The following NRXN1 variants were observed in gnomAD, a reference collection of about 807,000 sequenced individuals.
The protein encoded by NRXN1 is neurexin 1, also known as neurexin-1.
In NRXN1, 39 loss-of-function variants were observed where a neutral mutation model predicts 150.9. The ratio of observed to expected loss-of-function variants is 0.26; its 90% confidence interval spans 0.20 to 0.34. The LOEUF is 0.34. Among genes scored for constraint, NRXN1 ranks in the 10% least tolerant of loss-of-function variants. The pLI, the probability that NRXN1 is intolerant of heterozygous loss-of-function variation, is 1.00. For synonymous variants in NRXN1, 924 were observed against 757.0 expected (o/e 1.22, Z -3.62); for missense variants, 1,815 against 1,949.9 (o/e 0.93, Z 1.30).
intron 2 of NRXN1, among the ~76,000 whole-genome samples, chr2:50,999,256 CTT>C (rs1245832597): frequency 3.3e-5 from 5 of 152,056 alleles, no homozygotes; most frequent in African/African-American, 1.2e-4. Context: ...GTGACTCTCA[CTT>C]ATCCATTTAT....
At chr2:50,011,310 A>T (rs1017781313) in intron 21 of NRXN1, among the ~76,000 whole-genome samples, 8 of 152,162 alleles carry the variant, frequency 5.3e-5, no homozygotes, top group Admixed American at 5.2e-4. Flanking sequence ...ACTTTGGAAG[A>T]TTTGGAGCTG....
At chr2:50,154,590 T>A (rs541744058) in intron 18 of NRXN1, among the ~76,000 whole-genome samples, 1 of 151,724 alleles carries the variant, frequency 6.6e-6, no homozygotes, top group Non-Finnish European at 1.5e-5. Context: ...AGAATATAAT[T>A]AGCCACAGAA....
chr2:50,195,032 G>A (rs959415888), intron 18 of NRXN1, among the ~76,000 whole-genome samples: 2 of 152,084 alleles, frequency 1.3e-5, no homozygotes, highest in Non-Finnish European at 2.9e-5. Context: ...TACACAGATC[G>A]ATTTTCTGTG....
At chr2:50,815,444 G>C (rs1453006660) in intron 5 of NRXN1, among the ~76,000 whole-genome samples, 2 of 152,104 alleles carry the variant, frequency 1.3e-5, no homozygotes, top group South Asian at 2.1e-4. Context: ...GTAACAATAT[G>C]TGAGAATTAT....
chr2:50,792,280 T>C (rs76963028), intron 5 of NRXN1, among the ~76,000 whole-genome samples: 7,659 of 152,158 alleles, frequency 0.05, 271 homozygotes, highest in Non-Finnish European at 0.076. Flanking sequence ...AATTGAATAA[T>C]GGAAAGAAAA....
intron 5 of NRXN1, chr2:50,829,704 A>C (rs1671120622): frequency 1.2e-6 from 2 of 1,602,458 alleles, no homozygotes. Context: ...GGCCGCCCGC[A>C]CACCCAGAGC....
chr2:50,018,236 G>A (rs192113091), intron 21 of NRXN1, among the ~76,000 whole-genome samples: 6 of 152,194 alleles, frequency 3.9e-5, no homozygotes, highest in African/African-American at 7.2e-5. Flanking sequence ...AAGGCTGGAC[G>A]TTTTTCAGAC....
At chr2:50,504,022 C>T (rs533024553) in intron 13 of NRXN1, among the ~76,000 whole-genome samples, 11 of 150,468 alleles carry the variant, frequency 7.3e-5, no homozygotes, top group African/African-American at 1.7e-4. Context: ...AAACTGGTGA[C>T]TTTATATTAA....
intron 2 of NRXN1, among the ~76,000 whole-genome samples, chr2:51,021,008 G>A (rs1001973642): frequency 3.3e-5 from 5 of 151,776 alleles, no homozygotes; most frequent in Admixed American, 1.3e-4. Flanking sequence ...TAAGATTTAC[G>A]TATTCAGCAA....
At chr2:49,980,668 T>A (rs1679848137) in intron 21 of NRXN1, among the ~76,000 whole-genome samples, 1 of 152,152 alleles carries the variant, frequency 6.6e-6, no homozygotes, top group Non-Finnish European at 1.5e-5. Flanking sequence ...GCATTTAGAA[T>A]AGGATGACCC....
intron 5 of NRXN1, among the ~76,000 whole-genome samples, chr2:50,921,205 A>G (rs1256834278): frequency 6.6e-6 from 1 of 151,820 alleles, no homozygotes; most frequent in African/African-American, 2.4e-5. Flanking sequence ...ATGGTTTTAA[A>G]TGGCAAATTA....
At chr2:50,652,818 T>C (rs2104571053) in intron 5 of NRXN1, among the ~76,000 whole-genome samples, 1 of 152,174 alleles carries the variant, frequency 6.6e-6, no homozygotes, top group Non-Finnish European at 1.5e-5. Flanking sequence ...TGTATGAAGG[T>C]TCCATTTATC....
intron 21 of NRXN1, among the ~76,000 whole-genome samples, chr2:50,005,725 A>C (rs1382825576): frequency 6.6e-6 from 1 of 152,122 alleles, no homozygotes; most frequent in Non-Finnish European, 1.5e-5. Context: ...TCTGCTCAAA[A>C]TTATTCACTT....
chr2:50,906,020 T>C (rs143877176), intron 5 of NRXN1, among the ~76,000 whole-genome samples: 44 of 152,258 alleles, frequency 2.9e-4, no homozygotes, highest in African/African-American at 9.1e-4. Context: ...ACCTGGCTAA[T>C]AGTACAGAGT....
At chr2:51,026,472 A>G in intron 2 of NRXN1, 2 of 1,571,010 alleles carry the variant, frequency 1.3e-6, no homozygotes, top group Non-Finnish European at 1.7e-6. Flanking sequence ...TTTTATTTCT[A>G]AAGAGGAGAA....
rs977028415 is a variant in NRXN1, at chr2:50,067,788, A to T, written c.3719-12744T>A. On this transcript the variant is annotated intron_variant, in intron 19 of 22. Coordinates refer to ENST00000401669, the MANE Select transcript of NRXN1 (RefSeq NM_001330078.2). ...AAATGGCATTTTGCCATTTTCCCAG[A>T]TATGAGAATCTTGAGTACTTTCTAA... is the stretch of plus-strand genomic sequence containing the variant. Among the ~76,000 whole-genome samples, 9 of 152,326 alleles carry T rather than the reference A, an allele frequency of 5.9e-5. No homozygotes were observed. The East Asian group carries it at 1.3e-3, about 23-fold the overall frequency.
At chr2:50,322,458 A>G (rs2076110034) in intron 17 of NRXN1, among the ~76,000 whole-genome samples, 1 of 152,184 alleles carries the variant, frequency 6.6e-6, no homozygotes, top group Non-Finnish European at 1.5e-5. Flanking sequence ...AAGTATGCAA[A>G]CACATTTTAA....
chr2:50,357,760 A>G (rs1314207541), intron 17 of NRXN1, among the ~76,000 whole-genome samples: 1 of 152,218 alleles, frequency 6.6e-6, no homozygotes, highest in African/African-American at 2.4e-5. Flanking sequence ...GGTTTGCTTC[A>G]GAAGTAGCAA....
At chr2:50,056,394 C>T (rs1186528233) in intron 19 of NRXN1, among the ~76,000 whole-genome samples, 1 of 151,922 alleles carries the variant, frequency 6.6e-6, no homozygotes, top group Non-Finnish European at 1.5e-5. Flanking sequence ...ATCTGAATGT[C>T]TATATGACTG....
Sources: gnomAD v4.1 joint callset for allele counts (sites outside exome capture counted in the v4.1 genomes callset) on GRCh38, gnomAD v4.1.1 for gene constraint, MANE v1.5 for transcripts, NCBI Gene and HGNC (gene_info 2026-07-23, HGNC 2026-07-21) for gene names.